KIF21A: variants seen among roughly 807,000 people sequenced by gnomAD.
KIF21A encodes kinesin-like protein KIF21A.
A neutral mutation model predicts 202.9 loss-of-function variants in KIF21A; 114 were observed. The observed-to-expected ratio is 0.56, with a 90% CI of 0.48 to 0.66. The LOEUF (loss-of-function observed/expected upper bound fraction) is 0.66, where lower values mean the gene tolerates loss of function less well. Ranked by LOEUF, KIF21A falls within the 30% of genes least tolerant of loss-of-function variation. KIF21A has a pLI of 0.00. For synonymous variants in KIF21A, 667 were observed against 670.8 expected, an observed-to-expected ratio of 0.99 and a Z score of 0.09; for missense variants, 1,677 against 1,994.9, an observed-to-expected ratio of 0.84 and a Z score of 3.04.
intron 17 of KIF21A, among the ~76,000 whole-genome samples, chr12:39,334,921 T>C (rs1946830526): frequency 6.6e-6 from 1 of 152,312 alleles, no homozygotes; most frequent in East Asian, 1.9e-4. Context: ...AAGAAATAGG[T>C]AGCATACACT....
At chr12:39,307,805 G>A in intron 33 of KIF21A, 76 bp from the exon 34 acceptor site, 3 of 1,288,486 alleles carry the variant, frequency 2.3e-6, no homozygotes, top group Non-Finnish European at 3.3e-6. Context: ...GAATTCCCAG[G>A]AAACTGGCTG....
At chr12:39,392,994 A>G (rs1951483590) in intron 1 of KIF21A, among the ~76,000 whole-genome samples, 1 of 149,400 alleles carries the variant, frequency 6.7e-6, no homozygotes, top group Admixed American at 6.8e-5. Flanking sequence ...TAAATGAGCC[A>G]TACTAGATGT....
At chr12:39,303,219 A>G in intron 35 of KIF21A, 84 bp from the exon 36 acceptor site, 28 of 1,077,214 alleles carry the variant, frequency 2.6e-5, no homozygotes, top group Non-Finnish European at 3.8e-5. Flanking sequence ...ACACATACAC[A>G]TGTATGTTAA....
Position 39,341,563 on chromosome 12 carries a change from TTCCTCCTCCTCC to T in KIF21A, c.1851_1862del (p.Glu618_Glu621del). ...AACTTTCACCCCCATCAATGTCATC[TTCCTCCTCCTCC>T]TCCTCCTCTTCTTCATCCTCATGAT... On this transcript the variant is annotated inframe_deletion, in exon 14 of 38. Transcript: ENST00000361418. 6.2e-7 allele frequency: 1 copy of T among 1,605,084 alleles called. No individual in the cohort carries two copies. Among genetic ancestry groups the T allele is most frequent in the Non-Finnish European group, 8.5e-7 (1 of 1,172,882 alleles).
intron 1 of KIF21A, among the ~76,000 whole-genome samples, chr12:39,412,412 G>A (rs367581811): frequency 1.3e-5 from 2 of 152,126 alleles, no homozygotes; most frequent in Non-Finnish European, 2.9e-5. Flanking sequence ...GTGGATGAAA[G>A]GACTTGTTGA....
At chr12:39,307,969 GT>G (rs1198950874) in intron 33 of KIF21A, among the ~76,000 whole-genome samples, 1 of 152,114 alleles carries the variant, frequency 6.6e-6, no homozygotes, top group African/African-American at 2.4e-5. Context: ...AGATTACATG[GT>G]TTAAAACTCT....
intron 37 of KIF21A, among the ~76,000 whole-genome samples, chr12:39,294,934 G>A (rs1405429668): frequency 1.3e-5 from 2 of 152,214 alleles, no homozygotes; most frequent in African/African-American, 4.8e-5. Flanking sequence ...CTAAAAGACA[G>A]TATGTGATTT....
intron 26 of KIF21A, among the ~76,000 whole-genome samples, chr12:39,325,567 T>C (rs1204926554): frequency 6.7e-6 from 1 of 149,678 alleles, no homozygotes; most frequent in Non-Finnish European, 1.5e-5. Flanking sequence ...ATGGTCTCCA[T>C]CTCCTGACCT....
At chr12:39,421,921 G>A (rs935537797) in intron 1 of KIF21A, among the ~76,000 whole-genome samples, 1 of 149,794 alleles carries the variant, frequency 6.7e-6, no homozygotes, top group African/African-American at 2.5e-5. Context: ...TATCTGAGTG[G>A]TAAAATTGTT....
At chr12:39,381,159 T>A (rs1394997679) in intron 1 of KIF21A, among the ~76,000 whole-genome samples, 2 of 151,332 alleles carry the variant, frequency 1.3e-5, no homozygotes, top group East Asian at 3.9e-4. Flanking sequence ...TACAAAAAAA[T>A]TAGCTGGGCG....
intron 1 of KIF21A, among the ~76,000 whole-genome samples, chr12:39,397,114 T>C (rs910313589): frequency 7.2e-5 from 11 of 152,220 alleles, no homozygotes; most frequent in African/African-American, 2.7e-4. Flanking sequence ...ATTGTGATGA[T>C]GGTCACACAA....
chr12:39,427,607 G>C (rs1284964218), intron 1 of KIF21A, among the ~76,000 whole-genome samples: 2 of 152,200 alleles, frequency 1.3e-5, no homozygotes, highest in Non-Finnish European at 2.9e-5. Flanking sequence ...AAACATATTT[G>C]ATAGTCCAAA....
intron 1 of KIF21A, among the ~76,000 whole-genome samples, chr12:39,425,245 A>G (rs79739462): frequency 6.6e-6 from 1 of 152,154 alleles, no homozygotes; most frequent in African/African-American, 2.4e-5. Context: ...TTAAAAAAAA[A>G]TATTTATTGT....
At chr12:39,304,959 A>AGTTTT (rs751274359) in intron 34 of KIF21A, 21 bp from the exon 35 acceptor site, 1 of 1,190,986 alleles carries the variant, frequency 8.4e-7, no homozygotes, top group Admixed American at 1.7e-5. Flanking sequence ...AAAGAAAAAT[A>AGTTTT]GTTTTGTTTA....
chr12:39,372,526 G>T (rs930808923), intron 1 of KIF21A, among the ~76,000 whole-genome samples: 1 of 152,160 alleles, frequency 6.6e-6, no homozygotes, highest in Admixed American at 6.5e-5. Context: ...TAATTTCCAA[G>T]ATTGCTTTTA....
chr12:39,409,880 G>A (rs1952939298), intron 1 of KIF21A, among the ~76,000 whole-genome samples: 1 of 151,348 alleles, frequency 6.6e-6, no homozygotes, highest in Non-Finnish European at 1.5e-5. Flanking sequence ...TGCCTAGGCT[G>A]GAGTGCAATG....
At chr12:39,413,420 A>C (rs888394790) in intron 1 of KIF21A, among the ~76,000 whole-genome samples, 2 of 152,212 alleles carry the variant, frequency 1.3e-5, no homozygotes, top group Non-Finnish European at 2.9e-5. Flanking sequence ...GCGTTCCTTG[A>C]CCAGGTGAAA....
At chr12:39,358,903 T>C (rs1948996296) in intron 7 of KIF21A, among the ~76,000 whole-genome samples, 1 of 152,112 alleles carries the variant, frequency 6.6e-6, no homozygotes, top group African/African-American at 2.4e-5. Context: ...TCTGGCCAGA[T>C]TACATAGGAA....
chr12:39,416,615 A>G (rs1453651339), intron 1 of KIF21A, among the ~76,000 whole-genome samples: 4 of 134,882 alleles, frequency 3.0e-5, no homozygotes, highest in Non-Finnish European at 4.7e-5. Flanking sequence ...ATATATATAT[A>G]TGTACATATA....
Sources: allele counts gnomAD v4.1 joint callset (sites outside exome capture counted in the v4.1 genomes callset), GRCh38; gene constraint gnomAD v4.1.1; transcripts MANE v1.5; gene names NCBI Gene and HGNC (gene_info 2026-07-23, HGNC 2026-07-21).